Variants in CD109 observed in about 807,000 individuals in gnomAD.
CD109 encodes CD109 antigen.
In CD109, 149 loss-of-function variants were observed where a neutral mutation model predicts 165.8. The ratio of observed to expected loss-of-function variants is 0.90; its 90% CI spans 0.79 to 1.03. The LOEUF is 1.03. CD109 is among the 50% of genes least tolerant of loss of function. The probability of loss-of-function intolerance (pLI) is 0.00; values close to 1 mark genes in which losing one functional copy is unlikely to be tolerated. For missense variants in CD109, 1,712 were observed against 1,677.8 expected (o/e 1.02, Z -0.36); for synonymous variants, 585 against 592.1 (o/e 0.99, Z 0.18).
At chr6:73,810,895 A>G in intron 27 of CD109, 97 bp from the exon 28 acceptor site, 1 of 1,174,508 alleles carries the variant, frequency 8.5e-7, no homozygotes, top group African/African-American at 1.5e-5. Flanking sequence ...CTCTGAAGGA[A>G]GGTGTATGAA....
chr6:73,703,524 C>CA (rs1226290208), intron 2 of CD109, among the ~76,000 whole-genome samples: 1 of 152,170 alleles, frequency 6.6e-6, no homozygotes, highest in Non-Finnish European at 1.5e-5. Flanking sequence ...GAGCTGGAAA[C>CA]AGATTGCAGT....
At chr6:73,708,716 T>C (rs1017391118) in intron 2 of CD109, among the ~76,000 whole-genome samples, 8 of 152,230 alleles carry the variant, frequency 5.3e-5, no homozygotes, top group African/African-American at 1.9e-4. Flanking sequence ...TGGTATCTCA[T>C]TGTGGTTTTG....
At chr6:73,803,361 A>G in intron 24 of CD109, 60 bp downstream of exon 24, 1 of 1,230,660 alleles carries the variant, frequency 8.1e-7, no homozygotes, top group Non-Finnish European at 1.2e-6. Context: ...ACTAGGTCAC[A>G]ATAGCCACGA....
At chr6:73,757,183 CTTAGTA>C (rs1773428314) in intron 6 of CD109, among the ~76,000 whole-genome samples, 1 of 152,152 alleles carries the variant, frequency 6.6e-6, no homozygotes, top group Non-Finnish European at 1.5e-5. Flanking sequence ...AGCATAGGAT[CTTAGTA>C]TTAGTTATAA....
At chr6:73,751,971 T>C (rs1469775018) in intron 5 of CD109, among the ~76,000 whole-genome samples, 5 of 152,240 alleles carry the variant, frequency 3.3e-5, no homozygotes, top group South Asian at 2.1e-4. Context: ...TCTTGGGGGC[T>C]AAACGCAAAA....
chr6:73,724,813 G>C (rs938985423), intron 3 of CD109, among the ~76,000 whole-genome samples: 3 of 151,692 alleles, frequency 2.0e-5, no homozygotes, highest in Non-Finnish European at 4.4e-5. Flanking sequence ...TGTTGCCCAG[G>C]CTTGTCTCAA....
intron 7 of CD109, among the ~76,000 whole-genome samples, chr6:73,759,569 T>A (rs1030165300): frequency 2.6e-5 from 4 of 152,244 alleles, no homozygotes; most frequent in African/African-American, 7.2e-5. Flanking sequence ...AATAATTGTA[T>A]CTTTGTTTCA....
rs1350048404 is a variant in CD109 at position 73,697,409 on chromosome 6, T to C, written c.84T>C (p.Phe28=). Reference sequence around the variant, plus strand: ...GTTGGGAACTCTTTAGGCCTCGGTTTCTGGTGACAGCCCCAGGGATCATCA... The same window carrying C: ...GTTGGGAACTCTTTAGGCCTCGGTTCCTGGTGACAGCCCCAGGGATCATCA... ...AALAVAPGPR[F]LVTAPGIIRP... The change falls in exon 2 of 33, where the codon TTT becomes TTC. Residue 28 remains phenylalanine, a synonymous_variant. Coordinates refer to ENST00000287097, the MANE Select transcript of CD109 (RefSeq NM_133493.5). The C allele has an allele frequency of 6.2e-7, 1 of 1,613,924 alleles. No individual in the cohort carries two copies. The highest frequency in any genetic ancestry group is 1.1e-5 in the South Asian group (1 of 91,052).
At chr6:73,733,644 C>T (rs901837302) in intron 4 of CD109, among the ~76,000 whole-genome samples, 6 of 152,124 alleles carry the variant, frequency 3.9e-5, no homozygotes, top group African/African-American at 1.4e-4. Context: ...GGTGCTAGTA[C>T]GGGTGAATGA....
chr6:73,767,938 T>C (rs1773907674), intron 13 of CD109, 117 bp from the exon 14 acceptor site: 2 of 848,784 alleles, frequency 2.4e-6, no homozygotes, highest in South Asian at 3.1e-5. Flanking sequence ...CCAAAAGACT[T>C]TGAAGCTGGT....
intron 5 of CD109, among the ~76,000 whole-genome samples, chr6:73,748,318 G>T (rs1301492454): frequency 6.6e-6 from 1 of 152,078 alleles, no homozygotes; most frequent in Non-Finnish European, 1.5e-5. Flanking sequence ...TTATTCCCCA[G>T]CTTAAAACTG....
Position 73,697,564 on chromosome 6 carries a change from T to C in CD109, c.239T>C (p.Phe80Ser). ...TCTGTCCTGGAAGCAGAAGGAGTCT[T>C]TGAAAAAGGTAAGATAAACAGCATA... is the stretch of plus-strand genomic sequence containing the variant. The part of the protein sequence containing the change: ...TVSVLEAEGV[F>S]EKGSFKTLTL... The change falls in exon 2 of 33, where the codon TTT (phenylalanine) becomes TCT (serine). Residue 80 changes from phenylalanine (F) to serine (S), a missense_variant. Physicochemically the swap from Phe to Ser is radical, Grantham distance 155. Transcript: ENST00000287097. The C allele has an allele frequency of 6.2e-7, 1 of 1,612,756 alleles. No homozygotes were observed. Among genetic ancestry groups the C allele is most frequent in the Non-Finnish European group, 8.5e-7 (1 of 1,179,394 alleles).
chr6:73,707,988 A>G (rs1360937094), intron 2 of CD109, among the ~76,000 whole-genome samples: 1 of 94,418 alleles, frequency 1.1e-5, no homozygotes, highest in East Asian at 3.0e-4. Context: ...ATATATATAT[A>G]TATATATATA....
chr6:73,701,955 A>C (rs754606288), intron 2 of CD109, among the ~76,000 whole-genome samples: 2 of 152,126 alleles, frequency 1.3e-5, no homozygotes, highest in Admixed American at 6.6e-5. Flanking sequence ...AAAAACTCCC[A>C]AAAACCTAAA....
In CD109 at chr6:73,799,636, C is replaced by T. The variant is rs144712289; in HGVS notation, c.2879-3584C>T. ...GGAGGTGCCACACACTTTTAAATGA[C>T]CAGATCTTACAGTAACTCACTCACT... On this transcript the variant is annotated intron_variant, in intron 23 of 32. Coordinates refer to ENST00000287097, the MANE Select transcript of CD109 (RefSeq NM_133493.5). 1.9e-3 allele frequency among the ~76,000 whole-genome samples: 296 copies of T among 152,188 alleles called. 1 individual carries two copies. Among genetic ancestry groups the T allele is most frequent in the African/African-American group, 6.9e-3 (286 of 41,522 alleles).
chr6:73,694,844 G>C (rs189477184), upstream of CD109: 3 of 152,198 alleles, frequency 2.0e-5, no homozygotes, highest in East Asian at 5.8e-4. Flanking sequence ...GTCAGGAACA[G>C]GTCAGCACCC....
rs1303544577 is a variant in CD109 at position 73,812,229 on chromosome 6, G to T, written c.3727G>T (p.Val1243Phe). ...GCTTGCTGTGGTACAGCCAACGGCA[G>T]TTAATATTTCCGCAAATGGTTTTGG... ...AELAVVQPTAVNISANGFGFA... is the reference protein window; with the variant it reads ...AELAVVQPTAFNISANGFGFA... The change falls in exon 29 of 33, where the codon GTT (valine) becomes TTT (phenylalanine). Residue 1243 changes from valine (V) to phenylalanine (F), a missense_variant. Val to Phe is a conservative substitution (Grantham distance 50, BLOSUM62 -1). Transcript: ENST00000287097. The T allele has an allele frequency of 6.2e-7, 1 of 1,609,950 alleles. No individual in the cohort carries two copies. The highest frequency in any genetic ancestry group is 8.5e-7 in the Non-Finnish European group (1 of 1,177,552).
chr6:73,680,066 A>G, the CD109 span, among the ~76,000 whole-genome samples: 3 of 152,216 alleles, frequency 2.0e-5, no homozygotes, highest in African/African-American at 7.2e-5. Context: ...GGAGGCAGGT[A>G]ACTTAAGAAT....
rs778951474 is a variant in CD109 at position 73,808,178 on chromosome 6, A to T, written c.3285A>T (p.Ala1095=). The T allele has an allele frequency of 1.2e-6, 2 of 1,613,506 alleles. No homozygotes were observed. Among genetic ancestry groups the T allele is most frequent in the Admixed American group, 3.3e-5 (2 of 59,990 alleles). The change falls in exon 26 of 33, where the codon GCA becomes GCT. Residue 1095 remains alanine (A), a synonymous_variant. Coordinates refer to ENST00000287097, the MANE Select transcript of CD109 (RefSeq NM_133493.5). ...DNYTLALITY[A]LSSVGSPKAK... is the part of the protein sequence containing the mutation. ...ATACTCTAGCCCTTATAACTTATGC[A>T]TTGTCATCAGTGGGGAGTCCTAAAG...
Sources: allele counts gnomAD v4.1 joint callset (sites outside exome capture counted in the v4.1 genomes callset), GRCh38; gene constraint gnomAD v4.1.1; transcripts MANE v1.5; gene names NCBI Gene and HGNC (gene_info 2026-07-23, HGNC 2026-07-21).